Variants in SOBP observed in about 807,000 individuals in gnomAD.
SOBP encodes the protein sine oculis binding protein homolog.
In SOBP, 4 loss-of-function variants were observed where a neutral mutation model predicts 53.6. That is an observed-to-expected ratio of 0.07 (90% confidence interval 0.04 to 0.17). The LOEUF (loss-of-function observed/expected upper bound fraction) is 0.17, where lower values mean the gene tolerates loss of function less well. SOBP is among the 10% of genes least tolerant of loss of function. The pLI, the probability that SOBP is intolerant of heterozygous loss-of-function variation, is 1.00. For missense variants in SOBP, 1,088 were observed against 1,204.7 expected, an observed-to-expected ratio of 0.90 and a Z score of 1.43; for synonymous variants, 584 against 522.6, an observed-to-expected ratio of 1.12 and a Z score of -1.60.
At chr6:107,535,633 G>GT (rs1337343241) in intron 4 of SOBP, among the ~76,000 whole-genome samples, 1 of 144,072 alleles carries the variant, frequency 6.9e-6, no homozygotes, top group Admixed American at 6.8e-5. Flanking sequence ...GTGTGTGTGT[G>GT]TGTGTTTTTT....
intron 4 of SOBP, among the ~76,000 whole-genome samples, chr6:107,569,298 A>T (rs897288521): frequency 6.6e-6 from 1 of 152,206 alleles, no homozygotes; most frequent in Non-Finnish European, 1.5e-5. Flanking sequence ...TCCCCTACCA[A>T]GGCAAATCTG....
intron 1 of SOBP, among the ~76,000 whole-genome samples, chr6:107,495,405 G>A (rs895588240): frequency 1.3e-5 from 2 of 152,204 alleles, no homozygotes; most frequent in Non-Finnish European, 2.9e-5. Context: ...CTCCATCCAC[G>A]AACTGGTGTG....
At chr6:107,510,383 A>G (rs1187441040) in intron 3 of SOBP, among the ~76,000 whole-genome samples, 1 of 152,228 alleles carries the variant, frequency 6.6e-6, no homozygotes, top group Non-Finnish European at 1.5e-5. Flanking sequence ...TATTTCAAGG[A>G]AGGAAGAACA....
At chr6:107,572,752 C>T (rs1257566677) in intron 4 of SOBP, among the ~76,000 whole-genome samples, 1 of 152,218 alleles carries the variant, frequency 6.6e-6, no homozygotes, top group Non-Finnish European at 1.5e-5. Context: ...CTCTGCTGAG[C>T]ACTGAGCACG....
At chr6:107,521,660 G>A (rs1783491901) in intron 3 of SOBP, among the ~76,000 whole-genome samples, 1 of 152,204 alleles carries the variant, frequency 6.6e-6, no homozygotes, top group African/African-American at 2.4e-5. Flanking sequence ...ATGCTGCCAT[G>A]AAGATTATTT....
chr6:107,579,717 A>G (rs1417068936), intron 4 of SOBP, among the ~76,000 whole-genome samples: 1 of 152,256 alleles, frequency 6.6e-6, no homozygotes, highest in Non-Finnish European at 1.5e-5. Flanking sequence ...CATGGAGGCC[A>G]TAAACATGAT....
rs764045698 is a variant in SOBP at position 107,634,592 on chromosome 6, C to G, written c.1748C>G (p.Ser583Cys). Reference protein sequence around the residue: ...AGGKPSGHSLSPRDSKQGSSK... With the variant: ...AGGKPSGHSLCPRDSKQGSSK... ...GGCAAGCCAAGCGGACACTCCCTGT[C>G]CCCCCGGGACTCCAAGCAGGGCTCG... Residue 583 changes from serine to cysteine, a missense_variant, in exon 6 of 7, where the codon TCC (serine) becomes TGC (cysteine). Physicochemically the swap from Ser to Cys is moderately radical, Grantham distance 112. Around this residue, in one of 6 missense-constraint regions of SOBP, gnomAD observed 665 missense variants for 629.7 expected, o/e 1.06. Coordinates refer to ENST00000317357, the MANE Select transcript of SOBP (RefSeq NM_018013.4). The surrounding 1 kb of genome is among the most constrained non-coding windows in gnomAD (Gnocchi z 4.5). The G allele has an allele frequency of 1.3e-5, 21 of 1,601,788 alleles. No individual in the cohort carries two copies. The highest frequency in any genetic ancestry group is 1.7e-5 in the Admixed American group (1 of 59,902).
chr6:107,527,657 T>C (rs1054648090), intron 3 of SOBP, among the ~76,000 whole-genome samples: 1 of 152,214 alleles, frequency 6.6e-6, no homozygotes, highest in Admixed American at 6.5e-5. Context: ...CGACTTACTC[T>C]TGTCACACAC....
At chr6:107,589,656 TTAGC>T (rs1183330936) in intron 5 of SOBP, among the ~76,000 whole-genome samples, 2 of 152,260 alleles carry the variant, frequency 1.3e-5, no homozygotes, top group Admixed American at 1.3e-4. Context: ...GACTAGATAT[TTAGC>T]TTTGTGGCCA....
chr6:107,577,405 C>A (rs894733248), intron 4 of SOBP, among the ~76,000 whole-genome samples: 2 of 152,224 alleles, frequency 1.3e-5, no homozygotes, highest in African/African-American at 2.4e-5. Context: ...TCCCCCAAAA[C>A]AATCACCACA....
intron 6 of SOBP, among the ~76,000 whole-genome samples, chr6:107,639,583 G>A (rs922104535): frequency 6.6e-6 from 1 of 152,138 alleles, no homozygotes; most frequent in Non-Finnish European, 1.5e-5. Context: ...GGAAAACAAT[G>A]TATAAACATT....
intron 5 of SOBP, among the ~76,000 whole-genome samples, chr6:107,626,291 C>A (rs1050795738): frequency 6.6e-6 from 1 of 152,126 alleles, no homozygotes; most frequent in African/African-American, 2.4e-5. Flanking sequence ...AGAGTGTGTG[C>A]TAATTTTTCC....
Position 107,490,528 on chromosome 6 carries a change from GCACCACCTCCACCGCCGCCGCCGC to G in SOBP, c.-87_-64del. ...ACCTCCGCCAGCCTCGCCACCATCA[GCACCACCTCCACCGCCGCCGCCGC>G]CGCCACCACCACCGCCGGCGGCGGC... On this transcript the variant is annotated 5_prime_UTR_variant, in exon 1 of 7. Transcript: ENST00000317357. 1.1e-6 allele frequency: 1 copy of G among 912,550 alleles called. No homozygotes were observed. Among genetic ancestry groups the G allele is most frequent in the Non-Finnish European group, 1.7e-6 (1 of 575,996 alleles). 56.5% of individuals were successfully genotyped at this position (912,550 alleles called of 1,614,324 possible).
chr6:107,508,715 T>A (rs978341709), intron 3 of SOBP, among the ~76,000 whole-genome samples: 2 of 152,254 alleles, frequency 1.3e-5, no homozygotes, highest in African/African-American at 2.4e-5. Flanking sequence ...AAAGTTTGCC[T>A]TATTGTGCCC....
In SOBP at chr6:107,660,356, C is replaced by G. The variant is rs113144986; in HGVS notation, c.*2153C>G. Among the ~76,000 whole-genome samples, 1 of 152,304 alleles carries G rather than the reference C, an allele frequency of 6.6e-6. No homozygotes were observed. Among genetic ancestry groups the G allele is most frequent in the East Asian group, 1.9e-4 (1 of 5,184 alleles). Reference sequence around the variant, plus strand: ...CTTGTCTGCAGACAAGAGCCCACTCCGTCCGTTCCAGGGCCTGCTTCCTAA... The same window carrying G: ...CTTGTCTGCAGACAAGAGCCCACTCGGTCCGTTCCAGGGCCTGCTTCCTAA... On this transcript the variant is annotated 3_prime_UTR_variant, in exon 7 of 7. Coordinates refer to ENST00000317357, the MANE Select transcript of SOBP (RefSeq NM_018013.4).
chr6:107,646,552 T>C (rs540019698), intron 6 of SOBP, among the ~76,000 whole-genome samples: 86 of 152,332 alleles, frequency 5.6e-4, no homozygotes, highest in African/African-American at 2.0e-3. Context: ...CAGCGATGCC[T>C]AGACTGTCTG....
At position 107,634,723 on chromosome 6, in the gene SOBP, G is replaced by T. The variant is rs1331099349; in HGVS notation, c.1879G>T (p.Ala627Ser). The T allele has an allele frequency of 3.7e-6, 5 of 1,364,568 alleles. No individual in the cohort carries two copies. In the African/African-American group the frequency reaches 4.7e-5, roughly 13 times the overall value. 84.5% of individuals were successfully genotyped at this position (1,364,568 alleles called of 1,614,324 possible). A position where few individuals can be genotyped will look rare whatever the true frequency, so the allele number is the denominator to read the frequency against. Residue 627 changes from alanine (A) to serine (S), a missense_variant, in exon 6 of 7, where the codon GCC becomes TCC. Coordinates refer to ENST00000317357, the MANE Select transcript of SOBP (RefSeq NM_018013.4). The surrounding 1 kb of genome is among the most constrained non-coding windows in gnomAD (Gnocchi z 4.5). The stretch of plus-strand genomic sequence containing the variant: ...CGAGGTGGTGGACCTGACGCGGCGC[G>T]CCGGCAGCCCCCCGGGCCCCCCGGG... ...RSEVVDLTRR[A>S]GSPPGPPGAG...
At chr6:107,629,081 A>G (rs916181701) in intron 5 of SOBP, among the ~76,000 whole-genome samples, 2 of 152,194 alleles carry the variant, frequency 1.3e-5, no homozygotes, top group African/African-American at 2.4e-5. Flanking sequence ...CCCTTTTATG[A>G]TAAGCTACAG....
intron 3 of SOBP, chr6:107,529,542 G>C: frequency 2.0e-6 from 2 of 985,404 alleles, no homozygotes; most frequent in Non-Finnish European, 2.4e-6. Flanking sequence ...TTACAAAGGG[G>C]TGGTAAATCT....
Sources: allele counts gnomAD v4.1 joint callset (sites outside exome capture counted in the v4.1 genomes callset), GRCh38; gene constraint gnomAD v4.1.1; regional missense constraint gnomAD v4.1.1; non-coding constraint Gnocchi (gnomAD v3.1); transcripts MANE v1.5; gene names NCBI Gene and HGNC (gene_info 2026-07-23, HGNC 2026-07-21).